HDAC4: variants seen among roughly 807,000 people sequenced by gnomAD.
HDAC4 encodes histone deacetylase 4, also known as histone deacetylase A.
Under a neutral mutation model 135.1 loss-of-function variants are expected in HDAC4, and 16 were observed. The ratio of observed to expected loss-of-function variants is 0.12; its 90% CI spans 0.08 to 0.18. The LOEUF is 0.18. Ranked by LOEUF, HDAC4 falls within the 10% of genes least tolerant of loss-of-function variation. HDAC4 has a pLI of 1.00. For missense variants in HDAC4, 1,143 were observed against 1,511.8 expected (o/e 0.76, Z 4.05); for synonymous variants, 685 against 653.4 (o/e 1.05, Z -0.74).
chr2:239,126,638 C>T lies in HDAC4; in HGVS notation c.1351G>A (p.Ala451Thr), dbSNP rs755432476. The T allele has an allele frequency of 3.7e-6, 6 of 1,614,054 alleles. No homozygotes were observed. The highest frequency in any genetic ancestry group is 4.5e-5 in the East Asian group (2 of 44,882). Residue 451 changes from alanine (A) to threonine (T), a missense_variant, in exon 12 of 27, where the codon GCA becomes ACA. Around this residue, in one of 9 missense-constraint regions of HDAC4, gnomAD observed 272 missense variants for 309.7 expected, o/e 0.88. Coordinates refer to ENST00000543185, the MANE Select transcript of HDAC4 (RefSeq NM_001378414.1). ...TGGATGGAGGGGGACACCCGGTCTGCACCAACCAAGGACTGTGCGTGGAGG... is the reference window on the plus strand; with the variant it reads ...TGGATGGAGGGGGACACCCGGTCTGTACCAACCAAGGACTGTGCGTGGAGG... ...LPLHAQSLVGADRVSPSIHKL... is the reference protein window; with the variant it reads ...LPLHAQSLVGTDRVSPSIHKL...
chr2:239,284,741 G>A (rs1375067522), intron 2 of HDAC4, among the ~76,000 whole-genome samples: 2 of 152,172 alleles, frequency 1.3e-5, no homozygotes, highest in Non-Finnish European at 2.9e-5. Context: ...CAGAGCCAGA[G>A]GCCCTTCCAC....
intron 3 of HDAC4, among the ~76,000 whole-genome samples, chr2:239,212,407 G>GA (rs1184277044): frequency 4.6e-5 from 7 of 152,114 alleles, no homozygotes; most frequent in African/African-American, 1.7e-4. Context: ...AAGAAAAAAG[G>GA]AAAAAAGATA....
intron 2 of HDAC4, among the ~76,000 whole-genome samples, chr2:239,298,863 A>ATTTTTTTT (rs35449811): frequency 2.4e-4 from 20 of 82,982 alleles, no homozygotes; most frequent in African/African-American, 4.6e-4. Flanking sequence ...GCCATAGCCT[A>ATTTTTTTT]TTTTTTTTTT....
intron 2 of HDAC4, among the ~76,000 whole-genome samples, chr2:239,338,584 T>C (rs763751868): frequency 3.9e-5 from 6 of 152,196 alleles, no homozygotes; most frequent in Non-Finnish European, 7.3e-5. Flanking sequence ...CATTTGATGT[T>C]CAAAATTTAA....
At chr2:239,284,373 C>T (rs1040830511) in intron 2 of HDAC4, among the ~76,000 whole-genome samples, 4 of 152,324 alleles carry the variant, frequency 2.6e-5, no homozygotes, top group African/African-American at 7.2e-5. Context: ...CCCTGAGCCA[C>T]TGTGCTGACC....
intron 2 of HDAC4, among the ~76,000 whole-genome samples, chr2:239,238,137 C>T (rs1407860881): frequency 6.6e-6 from 1 of 152,118 alleles, no homozygotes; most frequent in African/African-American, 2.4e-5. Context: ...CTCAAGAGAA[C>T]CTTCACTGCA....
chr2:239,141,052 G>A lies in HDAC4; in HGVS notation c.866-1256C>T. 3.3e-6 allele frequency: 1 copy of A among 307,246 alleles called. No homozygotes were observed. The highest frequency in any genetic ancestry group is 4.1e-4 in the Middle Eastern group (1 of 2,426). The allele number at this position is 307,246 out of a possible 1,614,324, so 19.0% of individuals were successfully genotyped here. On this transcript the variant is annotated intron_variant, in intron 8 of 26. Transcript: ENST00000543185. The surrounding 1 kb of genome is among the most constrained non-coding windows in gnomAD (Gnocchi z 4.9). Reference sequence around the variant, plus strand: ...ATCCATCTCTCAGTCACTGTTTGAGGAAGGTGCCATTATGACCCCGTTTCC... The same window carrying A: ...ATCCATCTCTCAGTCACTGTTTGAGAAAGGTGCCATTATGACCCCGTTTCC...
In HDAC4 at chr2:239,202,181, A is replaced by G. The variant is rs527251156; in HGVS notation, c.95-12104T>C. On this transcript the variant is annotated intron_variant, in intron 3 of 26. Coordinates refer to ENST00000543185, the MANE Select transcript of HDAC4 (RefSeq NM_001378414.1). ...AACCTTGGAACCAGCCTGAGGGGAC[A>G]CTGGCGTAAGATGGGGACTACCTAT... is the stretch of plus-strand genomic sequence containing the variant. 3.9e-5 allele frequency among the ~76,000 whole-genome samples: 6 copies of G among 152,314 alleles called. No homozygotes were observed. In the East Asian group the frequency reaches 9.7e-4, roughly 25 times the overall value.
intron 21 of HDAC4, 101 bp downstream of exon 21, chr2:239,082,001 C>T (rs1382520149): frequency 3.0e-6 from 4 of 1,317,984 alleles, no homozygotes; most frequent in South Asian, 2.4e-5. Flanking sequence ...GAAGGCCGCA[C>T]TCACTGCTGC....
chr2:239,331,780 G>A lies in HDAC4; in HGVS notation c.22+20898C>T, dbSNP rs1305459793. On this transcript the variant is annotated intron_variant, in intron 2 of 26. Transcript: ENST00000543185. The surrounding 1 kb of genome is among the most constrained non-coding windows in gnomAD (Gnocchi z 4.5). ...CGATGCACGAGGAGCCCAGGCCTGG[G>A]AGAGAAGGGAGGTGGAAAGAGGGCA... is the stretch of plus-strand genomic sequence containing the variant. 1.3e-5 allele frequency among the ~76,000 whole-genome samples: 2 copies of A among 152,156 alleles called. No individual in the cohort carries two copies. Among genetic ancestry groups the A allele is most frequent in the Non-Finnish European group, 2.9e-5 (2 of 68,040 alleles).
chr2:239,081,810 G>A lies in HDAC4; in HGVS notation c.2652+292C>T, dbSNP rs10168632. Reference sequence around the variant, plus strand: ...GAAGACAGTGGCCTGGGCCCTGCCCGGAGGAAAACGGGCACCACACACCTC... The same window carrying A: ...GAAGACAGTGGCCTGGGCCCTGCCCAGAGGAAAACGGGCACCACACACCTC... On this transcript the variant is annotated intron_variant, in intron 21 of 26. Coordinates refer to ENST00000543185, the MANE Select transcript of HDAC4 (RefSeq NM_001378414.1). 4.8e-3 allele frequency among the ~76,000 whole-genome samples: 734 copies of A among 152,296 alleles called. 5 individuals carry two copies. Among genetic ancestry groups the A allele is most frequent in the African/African-American group, 0.017 (700 of 41,562 alleles).
intron 2 of HDAC4, among the ~76,000 whole-genome samples, chr2:239,328,742 G>A (rs1184824623): frequency 2.0e-5 from 3 of 152,138 alleles, no homozygotes; most frequent in Non-Finnish European, 2.9e-5. Context: ...GCAGCCATAC[G>A]CCTGACCTCT....
chr2:239,359,126 A>G (rs1203573517), intron 1 of HDAC4, among the ~76,000 whole-genome samples: 3 of 152,232 alleles, frequency 2.0e-5, no homozygotes, highest in Non-Finnish European at 2.9e-5. Context: ...TTTTAACATG[A>G]ATTTCTCTTT....
intron 3 of HDAC4, among the ~76,000 whole-genome samples, chr2:239,202,081 G>A (rs765131970): frequency 1.3e-5 from 2 of 152,140 alleles, no homozygotes; most frequent in African/African-American, 4.8e-5. Context: ...TGCTGGACCC[G>A]AGAACATTCT....
chr2:239,304,621 G>T (rs2052468420), intron 2 of HDAC4, among the ~76,000 whole-genome samples: 1 of 152,110 alleles, frequency 6.6e-6, no homozygotes, highest in African/African-American at 2.4e-5. Flanking sequence ...TCACACACAA[G>T]GCAGTGCCCC....
chr2:239,277,895 T>C (rs978630540), intron 2 of HDAC4, among the ~76,000 whole-genome samples: 3 of 151,100 alleles, frequency 2.0e-5, no homozygotes, highest in Non-Finnish European at 2.9e-5. Flanking sequence ...GCCCCAGTCA[T>C]ACGCCCCAGT....
intron 2 of HDAC4, among the ~76,000 whole-genome samples, chr2:239,269,731 C>T (rs2049957717): frequency 6.6e-6 from 1 of 152,202 alleles, no homozygotes; most frequent in Non-Finnish European, 1.5e-5. Context: ...AGTTTCTACA[C>T]AGAAGGTTTC....
intron 3 of HDAC4, among the ~76,000 whole-genome samples, chr2:239,232,569 G>A (rs942569893): frequency 3.4e-5 from 5 of 149,216 alleles, no homozygotes; most frequent in Non-Finnish European, 7.4e-5. Flanking sequence ...AGCCAAGGGT[G>A]GCCCTTCCCT....
chr2:239,186,459 T>C (rs902567384), intron 4 of HDAC4: 15 of 152,260 alleles, frequency 9.9e-5, no homozygotes, highest in Non-Finnish European at 1.9e-4. Flanking sequence ...GTAGTTCAAA[T>C]GGCTTTTATA....
Sources: gnomAD v4.1 joint callset for allele counts (sites outside exome capture counted in the v4.1 genomes callset) on GRCh38, gnomAD v4.1.1 for gene constraint, gnomAD v4.1.1 regional missense constraint, Gnocchi (gnomAD v3.1) non-coding constraint, MANE v1.5 for transcripts, NCBI Gene and HGNC (gene_info 2026-07-23, HGNC 2026-07-21) for gene names.